Variants in RNF175 observed in about 807,000 individuals in gnomAD.
RNF175 encodes the protein ring finger protein 175.
In RNF175, 38 loss-of-function variants were observed where a neutral mutation model predicts 50.0. The observed-to-expected ratio is 0.76, with a 90% CI of 0.59 to 1.00. RNF175 has a LOEUF of 1.00. Among genes scored for constraint, RNF175 ranks in the 50% least tolerant of loss-of-function variants. RNF175 has a pLI of 0.00. For synonymous variants in RNF175, 155 were observed against 146.1 expected (o/e 1.06, Z -0.44); for missense variants, 388 against 409.6 (o/e 0.95, Z 0.46).
In RNF175 at chr4:153,715,516, T is replaced by A; in HGVS notation, c.764+13A>T. On this transcript the variant is annotated intron_variant, in intron 7 of 8. Coordinates refer to ENST00000347063, the MANE Select transcript of RNF175 (RefSeq NM_173662.4). Reference sequence around the variant, plus strand: ...CTTGATGAAGCCCAAACAATTTCCTTTGAAAAGGATACACATGATTACAGG... The same window carrying A: ...CTTGATGAAGCCCAAACAATTTCCTATGAAAAGGATACACATGATTACAGG... 1.9e-6 allele frequency: 3 copies of A among 1,571,626 alleles called. No homozygotes were observed. The highest frequency in any genetic ancestry group is 1.7e-6 in the Non-Finnish European group (2 of 1,158,116).
rs781712674 is a variant in RNF175, at chr4:153,712,486, C to T, written c.855G>A (p.Met285Ile). The T allele has an allele frequency of 1.9e-6, 3 of 1,590,920 alleles. No homozygotes were observed. The Admixed American group carries it at 5.0e-5, about 27-fold the overall frequency. ...YCKEKVDLKR[M>I]ISNPWERTHF... ...GTTTTAAAGGATATGGATTACTGAT[C>T]ATCCTCTTCAAATCAACTTTCTCTT... is the stretch of plus-strand genomic sequence containing the variant. The change falls in exon 8 of 9, where the codon ATG becomes ATA. Residue 285 changes from methionine to isoleucine, a missense_variant. Transcript: ENST00000347063.
intron 3 of RNF175, among the ~76,000 whole-genome samples, chr4:153,732,364 G>T: frequency 6.6e-6 from 1 of 152,054 alleles, no homozygotes; most frequent in East Asian, 1.9e-4. Context: ...CAATCTAGAT[G>T]GCTGATTTTG....
Position 153,728,279 on chromosome 4 carries a change from C to T in RNF175, c.329G>A (p.Gly110Glu). The change falls in exon 4 of 9, where the codon GGG becomes GAG. Residue 110 changes from glycine to glutamate, a missense_variant. Coordinates refer to ENST00000347063, the MANE Select transcript of RNF175 (RefSeq NM_173662.4). The part of the protein sequence containing the change: ...LYWWRFLSMW[G>E]MFSVITSYIL... ...GTAACTGGTAATAACGGAGAACATCCCCCACATAGACAGAAACCGCCACCA... is the reference window on the plus strand; with the variant it reads ...GTAACTGGTAATAACGGAGAACATCTCCCACATAGACAGAAACCGCCACCA... 6.2e-7 allele frequency: 1 copy of T among 1,613,608 alleles called. No homozygotes were observed. The highest frequency in any genetic ancestry group is 1.1e-5 in the South Asian group (1 of 91,064).
At chr4:153,715,775 C>T (rs1737877841) in intron 6 of RNF175, 113 bp from the exon 7 acceptor site, 1 of 1,120,642 alleles carries the variant, frequency 8.9e-7, no homozygotes, top group Admixed American at 2.4e-5. Flanking sequence ...CATAGAATCT[C>T]CACTGCGGCC....
chr4:153,712,269 G>T (rs1456103104), intron 8 of RNF175, among the ~76,000 whole-genome samples: 1 of 152,120 alleles, frequency 6.6e-6, no homozygotes, highest in African/African-American at 2.4e-5. Context: ...AGAGTGGAAT[G>T]TTTTCTGGCA....
intron 3 of RNF175, among the ~76,000 whole-genome samples, chr4:153,745,236 T>C (rs889701148): frequency 2.6e-5 from 4 of 152,204 alleles, no homozygotes; most frequent in Non-Finnish European, 4.4e-5. Flanking sequence ...ACCAGCACCA[T>C]GAGGGAACTT....
intron 3 of RNF175, among the ~76,000 whole-genome samples, chr4:153,744,286 G>T (rs908413609): frequency 2.0e-5 from 3 of 152,142 alleles, no homozygotes; most frequent in Admixed American, 1.3e-4. Flanking sequence ...GCCGGGTGTG[G>T]TGGTGGGCGC....
chr4:153,736,992 A>G (rs1221117603), intron 3 of RNF175, among the ~76,000 whole-genome samples: 1 of 151,990 alleles, frequency 6.6e-6, no homozygotes, highest in Non-Finnish European at 1.5e-5. Context: ...CTGAGTAGCT[A>G]GGACTACAGG....
intron 3 of RNF175, among the ~76,000 whole-genome samples, chr4:153,734,571 C>T (rs925644267): frequency 2.7e-5 from 4 of 149,424 alleles, no homozygotes; most frequent in South Asian, 4.2e-4. Context: ...GTTGTTTTCT[C>T]GTGGTTGAGT....
At position 153,718,239 on chromosome 4, in the gene RNF175, T is replaced by TTTTTTTTTG. The variant is rs1738104408; in HGVS notation, c.630+1944_630+1945insCAAAAAAAA. 6.0e-5 allele frequency among the ~76,000 whole-genome samples: 8 copies of TTTTTTTTTG among 132,538 alleles called. 1 individual carries two copies. The highest frequency in any genetic ancestry group is 3.0e-4 in the Admixed American group (4 of 13,272). 87.0% of individuals were successfully genotyped at this position (132,538 alleles called of 152,430 possible). On this transcript the variant is annotated intron_variant, in intron 6 of 8. Transcript: ENST00000347063. Reference sequence around the variant, plus strand: ...TTTTGTTTGTTTGTTTGTTTGTTTGTTTTTTTTTTTTTTGAAGCAGATGCA... The same window carrying TTTTTTTTTG: ...TTTTGTTTGTTTGTTTGTTTGTTTGTTTTTTTTTGTTTTTTTTTTTTTGAAGCAGATGCA...
chr4:153,748,527 T>G, intron 3 of RNF175, 118 bp downstream of exon 3: 1 of 893,372 alleles, frequency 1.1e-6, no homozygotes, highest in Non-Finnish European at 1.6e-6. Flanking sequence ...TGAGAACCAC[T>G]GACTTAAACC....
At chr4:153,742,097 A>G (rs1200797533) in intron 3 of RNF175, among the ~76,000 whole-genome samples, 1 of 152,098 alleles carries the variant, frequency 6.6e-6, no homozygotes, top group East Asian at 1.9e-4. Context: ...CAACATAGTG[A>G]AACCCCGTCT....
intron 3 of RNF175, among the ~76,000 whole-genome samples, chr4:153,731,191 T>C (rs1312631710): frequency 2.0e-5 from 3 of 152,222 alleles, no homozygotes; most frequent in African/African-American, 7.2e-5. Context: ...TTCATATCAA[T>C]TTAAAAGATT....
At chr4:153,718,231 TTTGTTTG>T in intron 6 of RNF175, among the ~76,000 whole-genome samples, 1 of 35,690 alleles carries the variant, frequency 2.8e-5, no homozygotes, top group Admixed American at 2.7e-4. Context: ...TGTTTGTTTG[TTTGTTTG>T]TTTTTTTTTT....
chr4:153,745,388 G>A (rs1049594133), intron 3 of RNF175, among the ~76,000 whole-genome samples: 3 of 152,142 alleles, frequency 2.0e-5, no homozygotes, highest in African/African-American at 7.2e-5. Context: ...ACATTGTGAT[G>A]GCAAGGTCTC....
chr4:153,718,226 G>GTTTTTTTTTTTTTTTT (rs1325216298), intron 6 of RNF175, among the ~76,000 whole-genome samples: 5 of 30,538 alleles, frequency 1.6e-4, no homozygotes, highest in Admixed American at 5.8e-4. Flanking sequence ...TTGTTTGTTT[G>GTTTTTTTTTTTTTTTT]TTTGTTTGTT....
chr4:153,744,279 G>A (rs534214072), intron 3 of RNF175, among the ~76,000 whole-genome samples: 5 of 152,194 alleles, frequency 3.3e-5, no homozygotes, highest in East Asian at 1.9e-4. Flanking sequence ...AAAATTAGCC[G>A]GGTGTGGTGG....
At position 153,712,589 on chromosome 4, in the gene RNF175, G is replaced by C. The variant is rs1431491003; in HGVS notation, c.765-13C>G. 1 of 1,556,732 alleles carries C rather than the reference G, an allele frequency of 6.4e-7. No homozygotes were observed. Among genetic ancestry groups the C allele is most frequent in the African/African-American group, 1.4e-5 (1 of 73,938 alleles). On this transcript the variant is annotated splice_polypyrimidine_tract_variant and intron_variant, in intron 7 of 8. Coordinates refer to ENST00000347063, the MANE Select transcript of RNF175 (RefSeq NM_173662.4). ...GAATTCATGAAAGCTGAAGCATCTT[G>C]TTAGGGAGGCTTCTAGATATGAAAA...
At chr4:153,744,832 T>C (rs890735452) in intron 3 of RNF175, among the ~76,000 whole-genome samples, 1 of 152,238 alleles carries the variant, frequency 6.6e-6, no homozygotes, top group Non-Finnish European at 1.5e-5. Context: ...AAAGAGTGTT[T>C]ATTATAATTG....
Sources: allele counts gnomAD v4.1 joint callset (sites outside exome capture counted in the v4.1 genomes callset), GRCh38; gene constraint gnomAD v4.1.1; transcripts MANE v1.5; gene names NCBI Gene and HGNC (gene_info 2026-07-23, HGNC 2026-07-21).